The following CNTN5 variants were observed in gnomAD, a reference collection of about 807,000 sequenced individuals.
CNTN5 encodes the protein contactin 5.
CNTN5 carries 77 observed loss-of-function variants against 129.1 expected under a neutral mutation model. The ratio of observed to expected loss-of-function variants is 0.60; its 90% CI spans 0.50 to 0.72. The LOEUF (loss-of-function observed/expected upper bound fraction) is 0.72. Ranked by LOEUF, CNTN5 falls within the 30% of genes least tolerant of loss-of-function variation. The pLI is 0.00. For missense variants in CNTN5, 1,478 were observed against 1,328.8 expected, an observed-to-expected ratio of 1.11 and a Z score of -1.75; for synonymous variants, 509 against 465.6, an observed-to-expected ratio of 1.09 and a Z score of -1.20.
chr11:99,861,440 C>T (rs940674190), intron 6 of CNTN5, among the ~76,000 whole-genome samples: 6 of 152,078 alleles, frequency 3.9e-5, no homozygotes, highest in African/African-American at 1.2e-4. Context: ...ACTGATTATG[C>T]CGATACAATG....
intron 4 of CNTN5, among the ~76,000 whole-genome samples, chr11:99,834,291 A>G (rs537556061): frequency 6.6e-6 from 1 of 152,266 alleles, no homozygotes; most frequent in South Asian, 2.1e-4. Context: ...ATTTTTATGA[A>G]CAAAAACTCT....
chr11:99,851,333 T>C (rs1947867753), intron 6 of CNTN5, among the ~76,000 whole-genome samples: 3 of 152,170 alleles, frequency 2.0e-5, no homozygotes, highest in East Asian at 1.9e-4. Context: ...TTCCTAGGGA[T>C]GATTATTACT....
chr11:99,095,086 A>C (rs1479960466), intron 1 of CNTN5, among the ~76,000 whole-genome samples: 2 of 151,870 alleles, frequency 1.3e-5, no homozygotes, highest in Admixed American at 1.3e-4. Context: ...GTACCCATCA[A>C]CTTGTCATCG....
intron 13 of CNTN5, among the ~76,000 whole-genome samples, chr11:100,114,284 T>C (rs2138132041): frequency 6.6e-6 from 1 of 152,242 alleles, no homozygotes; most frequent in African/African-American, 2.4e-5. Flanking sequence ...CAAGGGAAGA[T>C]TAATTCTATA....
intron 3 of CNTN5, among the ~76,000 whole-genome samples, chr11:99,712,450 T>A (rs1955032165): frequency 6.6e-6 from 1 of 152,218 alleles, no homozygotes; most frequent in Non-Finnish European, 1.5e-5. Context: ...TTGCTGATAG[T>A]TTCTTTTGCT....
intron 8 of CNTN5, among the ~76,000 whole-genome samples, chr11:99,986,576 C>A (rs1938692689): frequency 6.6e-6 from 1 of 152,126 alleles, no homozygotes. Context: ...TCCCTCCATC[C>A]TGAATCATTC....
chr11:99,859,732 C>G (rs188678791), intron 6 of CNTN5, among the ~76,000 whole-genome samples: 1,986 of 152,182 alleles, frequency 0.013, 42 homozygotes, highest in African/African-American at 0.045. Context: ...TACCATATTT[C>G]TTTATCCACT....
At chr11:100,187,929 AT>A (rs1185120375) in intron 13 of CNTN5, among the ~76,000 whole-genome samples, 2 of 152,224 alleles carry the variant, frequency 1.3e-5, no homozygotes, top group Non-Finnish European at 2.9e-5. Context: ...AGCAAAAAAC[AT>A]TGACAAGTGT....
intron 13 of CNTN5, among the ~76,000 whole-genome samples, chr11:100,075,660 A>T (rs2137896507): frequency 6.6e-6 from 1 of 152,268 alleles, no homozygotes; most frequent in African/African-American, 2.4e-5. Flanking sequence ...TTTGTGTGGT[A>T]TTCCTTTCCT....
chr11:99,912,458 G>C (rs541550503), intron 6 of CNTN5, among the ~76,000 whole-genome samples: 1 of 151,908 alleles, frequency 6.6e-6, no homozygotes, highest in South Asian at 2.1e-4. Flanking sequence ...ATCCTTTACA[G>C]TTTTTCTGCA....
chr11:99,601,249 T>C (rs1488190675), intron 3 of CNTN5, among the ~76,000 whole-genome samples: 1 of 152,218 alleles, frequency 6.6e-6, no homozygotes, highest in African/African-American at 2.4e-5. Context: ...TTCTTACATT[T>C]TCTACTTTAT....
intron 1 of CNTN5, among the ~76,000 whole-genome samples, chr11:99,114,010 T>C (rs1032424886): frequency 3.9e-5 from 6 of 152,252 alleles, no homozygotes; most frequent in African/African-American, 1.2e-4. Context: ...AGTATAATCA[T>C]TCATGTATTT....
At chr11:99,455,799 T>C (rs1027092621) in intron 2 of CNTN5, among the ~76,000 whole-genome samples, 41 of 152,286 alleles carry the variant, frequency 2.7e-4, no homozygotes, top group South Asian at 6.2e-4. Context: ...AAAAATTATA[T>C]ATATTATTCC....
At chr11:99,383,493 T>C (rs1463708813) in intron 2 of CNTN5, among the ~76,000 whole-genome samples, 1 of 152,182 alleles carries the variant, frequency 6.6e-6, no homozygotes, top group African/African-American at 2.4e-5. Context: ...TGATCCTCTA[T>C]ATGAACAGTG....
intron 3 of CNTN5, among the ~76,000 whole-genome samples, chr11:99,558,941 T>G (rs1294122064): frequency 1.3e-5 from 2 of 152,064 alleles, no homozygotes; most frequent in African/African-American, 4.8e-5. Context: ...AAAATAAAAT[T>G]GATTAGGATA....
chr11:99,607,778 T>C (rs1392872243), intron 3 of CNTN5, among the ~76,000 whole-genome samples: 1 of 130,222 alleles, frequency 7.7e-6, no homozygotes, highest in African/African-American at 2.7e-5. Flanking sequence ...CATAAAAAGA[T>C]GATGAGTTCA....
chr11:99,083,895 G>C (rs1865901112), intron 1 of CNTN5, among the ~76,000 whole-genome samples: 1 of 152,106 alleles, frequency 6.6e-6, no homozygotes, highest in Admixed American at 6.5e-5. Flanking sequence ...CTAGGGTTGA[G>C]AGCCCTTAAT....
At chr11:99,920,908 G>T (rs546589317) in intron 7 of CNTN5, among the ~76,000 whole-genome samples, 9 of 152,154 alleles carry the variant, frequency 5.9e-5, no homozygotes, top group Admixed American at 1.3e-4. Flanking sequence ...TGGAGATGGG[G>T]CTTTTTTTTA....
At chr11:99,037,579 T>C (rs1252370991) in intron 1 of CNTN5, among the ~76,000 whole-genome samples, 3 of 130,474 alleles carry the variant, frequency 2.3e-5, no homozygotes, top group African/African-American at 3.4e-5. Flanking sequence ...TTCTTTTCTT[T>C]TTTTTTTTTT....
Sources: gnomAD v4.1 joint callset for allele counts (sites outside exome capture counted in the v4.1 genomes callset) on GRCh38, gnomAD v4.1.1 for gene constraint, MANE v1.5 for transcripts, NCBI Gene and HGNC (gene_info 2026-07-23, HGNC 2026-07-21) for gene names.